The following VPS54 variants were observed in gnomAD, a reference collection of about 807,000 sequenced individuals.
VPS54 encodes vacuolar protein sorting-associated protein 54.
VPS54 carries 45 observed loss-of-function variants against 121.5 expected under a neutral mutation model. That is an observed-to-expected ratio of 0.37 (90% CI 0.29 to 0.47). The LOEUF (loss-of-function observed/expected upper bound fraction) is 0.47, where lower values mean the gene tolerates loss of function less well. Among genes scored for constraint, VPS54 ranks in the 20% least tolerant of loss-of-function variants. The pLI, the probability that VPS54 is intolerant of heterozygous loss-of-function variation, is 0.99. For synonymous variants in VPS54, 371 were observed against 385.8 expected, an observed-to-expected ratio of 0.96 and a Z score of 0.45; for missense variants, 1,090 against 1,131.4, an observed-to-expected ratio of 0.96 and a Z score of 0.52.
At chr2:63,984,102 G>A in intron 1 of VPS54, 83 bp from the exon 2 acceptor site, 3 of 1,280,566 alleles carry the variant, frequency 2.3e-6, no homozygotes, top group Non-Finnish European at 2.0e-6. Flanking sequence ...TCTTTCAAAA[G>A]CAAAAGAATT....
chr2:63,931,186 C>T lies in VPS54; in HGVS notation c.1739+2487G>A, dbSNP rs555767066. ...CTACTAATGGAACCAAAAAAGAGCC[C>T]GCATAGCCAAGACAATCCTGGGCAA... On this transcript the variant is annotated intron_variant, in intron 12 of 22. Coordinates refer to ENST00000272322, the MANE Select transcript of VPS54 (RefSeq NM_016516.3). Among the ~76,000 whole-genome samples, 12 of 152,156 alleles carry T rather than the reference C, an allele frequency of 7.9e-5. No homozygotes were observed. In the South Asian group the frequency reaches 1.2e-3, roughly 16 times the overall value.
At chr2:63,960,134 G>A (rs926617494) in intron 7 of VPS54, among the ~76,000 whole-genome samples, 1 of 151,726 alleles carries the variant, frequency 6.6e-6, no homozygotes, top group Non-Finnish European at 1.5e-5. Flanking sequence ...GGTGGGTGGG[G>A]AGTTAACAGG....
chr2:63,897,371 C>G, intron 22 of VPS54, 125 bp downstream of exon 22: 1 of 629,196 alleles, frequency 1.6e-6, no homozygotes, highest in Non-Finnish European at 2.7e-6. Flanking sequence ...AACACAAAAG[C>G]TTGCTGATTT....
intron 12 of VPS54, among the ~76,000 whole-genome samples, chr2:63,925,358 A>G (rs944106949): frequency 1.3e-5 from 2 of 152,250 alleles, no homozygotes; most frequent in Admixed American, 6.5e-5. Context: ...AATGGCTAAC[A>G]TGTAAAAGAC....
At chr2:63,990,219 AACGATGCTGAAAATT>A (rs1379510225) in intron 1 of VPS54, among the ~76,000 whole-genome samples, 1 of 152,052 alleles carries the variant, frequency 6.6e-6, no homozygotes, top group Non-Finnish European at 1.5e-5. Context: ...TCCCCCACCT[AACGATGCTGAAAATT>A]CAATGTCTAA....
chr2:64,005,089 C>CTTTTTTTTTTTTTTTTTTTTTTTT (rs764515091), intron 1 of VPS54, among the ~76,000 whole-genome samples: 1 of 44,104 alleles, frequency 2.3e-5, no homozygotes. Context: ...ACTATTGCTT[C>CTTTTTTTTTTTTTTTTTTTTTTTT]TTTTTTTTTT....
chr2:63,920,610 C>T lies in VPS54; in HGVS notation c.1887G>A (p.Lys629=), dbSNP rs770447118. ...MSRAKDGFLE[K]LNSMEFITLS... ...GTGTTATGAATTCCATGGAATTTAG[C>T]TTCTCAAGAAAACCATCCTAAATTT... Residue 629 remains lysine, a synonymous_variant, in exon 14 of 23, where the codon AAG becomes AAA. Coordinates refer to ENST00000272322, the MANE Select transcript of VPS54 (RefSeq NM_016516.3). 6.6e-7 allele frequency: 1 copy of T among 1,503,822 alleles called. No individual in the cohort carries two copies. The highest frequency in any genetic ancestry group is 2.5e-5 in the East Asian group (1 of 39,410). The allele number at this position is 1,503,822 out of a possible 1,614,324, so 93.2% of individuals were successfully genotyped here.
At chr2:63,973,589 T>C (rs1353686091) in intron 3 of VPS54, among the ~76,000 whole-genome samples, 1 of 152,210 alleles carries the variant, frequency 6.6e-6, no homozygotes, top group Non-Finnish European at 1.5e-5. Flanking sequence ...CTGGGTCTAG[T>C]TCTGTTGCCC....
intron 3 of VPS54, chr2:63,975,119 C>T (rs1676465021): frequency 1.7e-5 from 21 of 1,251,038 alleles, no homozygotes; most frequent in Non-Finnish European, 2.3e-5. Flanking sequence ...GATCTTGGTT[C>T]ACTGCAACCT....
At chr2:64,002,048 G>A (rs558821739) in intron 1 of VPS54, among the ~76,000 whole-genome samples, 2 of 152,302 alleles carry the variant, frequency 1.3e-5, no homozygotes, top group African/African-American at 4.8e-5. Flanking sequence ...ATTCCCCTCT[G>A]GCTAGGGCTG....
At chr2:63,969,121 T>C in intron 4 of VPS54, 130 bp from the exon 5 acceptor site, 2 of 722,036 alleles carry the variant, frequency 2.8e-6, no homozygotes, top group East Asian at 2.8e-5. Context: ...CTTCAACAAA[T>C]TATCTATCAA....
At chr2:63,936,740 C>T (rs955838880) in intron 11 of VPS54, among the ~76,000 whole-genome samples, 1 of 152,074 alleles carries the variant, frequency 6.6e-6, no homozygotes, top group African/African-American at 2.4e-5. Context: ...GTATGGAAGT[C>T]TTATAATCCT....
At chr2:63,973,437 T>C (rs1275348704) in intron 3 of VPS54, among the ~76,000 whole-genome samples, 1 of 152,254 alleles carries the variant, frequency 6.6e-6, no homozygotes, top group Non-Finnish European at 1.5e-5. Context: ...CATGTGCTAA[T>C]TGCACACTTC....
At chr2:63,976,053 T>C (rs1676512451) in intron 3 of VPS54, among the ~76,000 whole-genome samples, 1 of 152,150 alleles carries the variant, frequency 6.6e-6, no homozygotes, top group Non-Finnish European at 1.5e-5. Context: ...GTTAAGGAAA[T>C]TTCTTCCTGT....
intron 12 of VPS54, among the ~76,000 whole-genome samples, chr2:63,927,738 C>A (rs1558997726): frequency 6.6e-6 from 1 of 152,090 alleles, no homozygotes; most frequent in East Asian, 1.9e-4. Flanking sequence ...ATGTTCTAGC[C>A]CATTGCAAGG....
At chr2:63,906,262 AT>A (rs1156310422) in intron 20 of VPS54, among the ~76,000 whole-genome samples, 4 of 152,244 alleles carry the variant, frequency 2.6e-5, no homozygotes, top group Non-Finnish European at 5.9e-5. Context: ...ATGAGTGTGT[AT>A]GCAGAAAAAT....
At chr2:63,926,383 T>C (rs1236782261) in intron 12 of VPS54, among the ~76,000 whole-genome samples, 1 of 152,220 alleles carries the variant, frequency 6.6e-6, no homozygotes, top group Non-Finnish European at 1.5e-5. Flanking sequence ...AGAAACTTTA[T>C]TAATATATAG....
chr2:63,902,617 C>T (rs1240251938), intron 20 of VPS54, among the ~76,000 whole-genome samples: 1 of 151,690 alleles, frequency 6.6e-6, no homozygotes, highest in Non-Finnish European at 1.5e-5. Flanking sequence ...ATAAAGCAAC[C>T]AACAGAACCA....
At chr2:63,906,564 C>T (rs568890287) in intron 20 of VPS54, among the ~76,000 whole-genome samples, 1 of 152,124 alleles carries the variant, frequency 6.6e-6, no homozygotes, top group African/African-American at 2.4e-5. Context: ...ATTTAATGGG[C>T]TCACTGGGGG....
Sources: allele counts gnomAD v4.1 joint callset (sites outside exome capture counted in the v4.1 genomes callset), GRCh38; gene constraint gnomAD v4.1.1; transcripts MANE v1.5; gene names NCBI Gene and HGNC (gene_info 2026-07-23, HGNC 2026-07-21).